The following KCNJ6 variants were observed in gnomAD, a reference collection of about 807,000 sequenced individuals.
The protein encoded by KCNJ6 is potassium inwardly rectifying channel subfamily J member 6.
A neutral mutation model predicts 34.2 loss-of-function variants in KCNJ6; 9 were observed. That is an observed-to-expected ratio of 0.26 (90% CI 0.16 to 0.46). KCNJ6 has a LOEUF of 0.46. KCNJ6 is among the 20% of genes least tolerant of loss of function. The probability of loss-of-function intolerance (pLI) is 1.00; values close to 1 mark genes in which losing one functional copy is unlikely to be tolerated. For missense variants in KCNJ6, 236 were observed against 531.3 expected (o/e 0.44, Z 5.46); for synonymous variants, 196 against 207.1 (o/e 0.95, Z 0.46).
chr21:37,842,438 T>C lies in KCNJ6; in HGVS notation c.-27-1729A>G, dbSNP rs919999794. ...CTCAAACTGGAAGGGTATGCTTTGA[T>C]TGAATGGCAACAAACAACTTCGCAC... On this transcript the variant is annotated intron_variant, in intron 1 of 3. Coordinates refer to ENST00000609713, the MANE Select transcript of KCNJ6 (RefSeq NM_002240.5). 2.0e-5 allele frequency among the ~76,000 whole-genome samples: 3 copies of C among 152,244 alleles called. 1 individual carries two copies. Among genetic ancestry groups the C allele is most frequent in the Middle Eastern group, 6.3e-3 (2 of 316 alleles).
In KCNJ6 at chr21:37,712,748, TTCCTC is replaced by T. The variant is rs1569450260; in HGVS notation, c.946+1458_946+1462del. On this transcript the variant is annotated intron_variant, in intron 3 of 3. Transcript: ENST00000609713. ...CCTTCCTCCCCTTCTCCTCCTCTCC[TTCCTC>T]CCCTTCCTCCTCCCCTGCCTTCCCT... is the stretch of plus-strand genomic sequence containing the variant. Among the ~76,000 whole-genome samples, 16 of 44,526 alleles carry T rather than the reference TTCCTC, an allele frequency of 3.6e-4. 2 individuals carry two copies. The highest frequency in any genetic ancestry group is 1.1e-3 in the African/African-American group (16 of 15,052). The allele number at this position is 44,526 out of a possible 152,430, so 29.2% of individuals were successfully genotyped here. A position where few individuals can be genotyped will look rare whatever the true frequency, so the allele number is the denominator to read the frequency against.
chr21:37,754,906 C>T (rs1201048904), intron 2 of KCNJ6, among the ~76,000 whole-genome samples: 2 of 152,162 alleles, frequency 1.3e-5, no homozygotes, highest in Non-Finnish European at 2.9e-5. Context: ...CAAGGCTAAG[C>T]CGCAGTGCAG....
At chr21:37,732,513 T>C (rs949763497) in intron 2 of KCNJ6, among the ~76,000 whole-genome samples, 1 of 152,158 alleles carries the variant, frequency 6.6e-6, no homozygotes, top group African/African-American at 2.4e-5. Flanking sequence ...AGCTTTAGAG[T>C]GAGGAACGGG....
chr21:37,881,602 A>G (rs1038149574), intron 1 of KCNJ6, among the ~76,000 whole-genome samples: 1 of 152,056 alleles, frequency 6.6e-6, no homozygotes, highest in African/African-American at 2.4e-5. Flanking sequence ...TATAATCTCC[A>G]ACTCCTGGGC....
rs896402988 is a variant in KCNJ6, at chr21:37,648,769, T to C, written c.947-23285A>G. ...AGTCATTTGTCCAATCACATCACAC[T>C]GAACTCATTACTTTGGGTTTTTAAA... On this transcript the variant is annotated intron_variant, in intron 3 of 3. Coordinates refer to ENST00000609713, the MANE Select transcript of KCNJ6 (RefSeq NM_002240.5). 1.5e-3 allele frequency among the ~76,000 whole-genome samples: 226 copies of C among 152,316 alleles called. 1 individual carries two copies. The highest frequency in any genetic ancestry group is 5.3e-3 in the African/African-American group (220 of 41,556).
chr21:37,820,701 T>A (rs2055369417), intron 2 of KCNJ6, among the ~76,000 whole-genome samples: 1 of 152,250 alleles, frequency 6.6e-6, no homozygotes, highest in African/African-American at 2.4e-5. Flanking sequence ...TTCTTACTCC[T>A]CATCACTTTG....
chr21:37,703,963 C>T (rs1026307194), intron 3 of KCNJ6, among the ~76,000 whole-genome samples: 5 of 152,374 alleles, frequency 3.3e-5, no homozygotes, highest in African/African-American at 1.2e-4. Flanking sequence ...TGGAACCCAG[C>T]CCCGCCTTGC....
At chr21:37,900,231 G>C (rs1424485549) in intron 1 of KCNJ6, among the ~76,000 whole-genome samples, 2 of 152,186 alleles carry the variant, frequency 1.3e-5, no homozygotes. Context: ...AAGACACAGT[G>C]TGTGGGAGAT....
Position 37,729,801 on chromosome 21 carries a change from G to A in KCNJ6, c.26-14670C>T, listed in dbSNP as rs117956079. 2.4e-3 allele frequency among the ~76,000 whole-genome samples: 363 copies of A among 152,342 alleles called. 1 individual carries two copies. The East Asian group carries it at 0.037, about 15-fold the overall frequency. ...CAATGCTTCCCCTGCCAAGACACAT[G>A]CCCGTTCATAGGGCTGAGTCCACCC... On this transcript the variant is annotated intron_variant, in intron 2 of 3. Coordinates refer to ENST00000609713, the MANE Select transcript of KCNJ6 (RefSeq NM_002240.5).
At chr21:37,745,324 G>T (rs766050826) in intron 2 of KCNJ6, among the ~76,000 whole-genome samples, 3 of 152,056 alleles carry the variant, frequency 2.0e-5, no homozygotes, top group Non-Finnish European at 4.4e-5. Flanking sequence ...GTATTACTCT[G>T]TTGCCCAGGC....
intron 1 of KCNJ6, among the ~76,000 whole-genome samples, chr21:37,872,071 G>C (rs2055655154): frequency 6.6e-6 from 1 of 152,114 alleles, no homozygotes; most frequent in African/African-American, 2.4e-5. Context: ...ACAAATGTAA[G>C]CACACAAATC....
chr21:37,747,961 G>T (rs532318065), intron 2 of KCNJ6, among the ~76,000 whole-genome samples: 62 of 152,338 alleles, frequency 4.1e-4, no homozygotes, highest in African/African-American at 1.4e-3. Context: ...TGGAGACTGA[G>T]TCACAGGGCT....
chr21:37,867,527 C>A (rs2055629034), intron 1 of KCNJ6, among the ~76,000 whole-genome samples: 1 of 152,184 alleles, frequency 6.6e-6, no homozygotes. Context: ...AGAGTGAAAT[C>A]CATCTCTGCC....
chr21:37,777,357 T>C (rs1419793071), intron 2 of KCNJ6, among the ~76,000 whole-genome samples: 2 of 152,288 alleles, frequency 1.3e-5, no homozygotes, highest in East Asian at 1.9e-4. Context: ...TCTTTCTTTC[T>C]TGTCCTTTCC....
chr21:37,762,806 G>A (rs555937477), intron 2 of KCNJ6, among the ~76,000 whole-genome samples: 2 of 152,284 alleles, frequency 1.3e-5, no homozygotes, highest in South Asian at 4.1e-4. Context: ...TCCAGTGCCT[G>A]AGCCCCACTC....
chr21:37,655,176 C>G (rs1229643194), intron 3 of KCNJ6, among the ~76,000 whole-genome samples: 1 of 105,800 alleles, frequency 9.5e-6, no homozygotes, highest in African/African-American at 4.7e-5. Context: ...ACACTCTAGA[C>G]ATTTGTGTGT....
intron 2 of KCNJ6, among the ~76,000 whole-genome samples, chr21:37,825,059 C>G (rs1208080123): frequency 6.6e-6 from 1 of 152,236 alleles, no homozygotes; most frequent in Non-Finnish European, 1.5e-5. Context: ...TCTCTGCTTC[C>G]CTCTTACAAG....
At position 37,614,668 on chromosome 21, in the gene KCNJ6, CTGTGTA is replaced by C. The variant is rs2054258332; in HGVS notation, c.*10485_*10490del. On this transcript the variant is annotated 3_prime_UTR_variant, in exon 4 of 4. Coordinates refer to ENST00000609713, the MANE Select transcript of KCNJ6 (RefSeq NM_002240.5). The stretch of plus-strand genomic sequence containing the variant: ...TGCACGTGTGTGTATGCATGTGTCT[CTGTGTA>C]TGCGTGTGTGTATGCATGTCTTGGT... The C allele has an allele frequency of 7.3e-6, 1 of 137,616 alleles. No individual in the cohort carries two copies. 8.5% of individuals were successfully genotyped at this position (137,616 alleles called of 1,614,324 possible). A position where few individuals can be genotyped will look rare whatever the true frequency, so the allele number is the denominator to read the frequency against.
At chr21:37,902,511 C>T (rs889919131) in intron 1 of KCNJ6, among the ~76,000 whole-genome samples, 4 of 152,282 alleles carry the variant, frequency 2.6e-5, no homozygotes, top group African/African-American at 9.6e-5. Flanking sequence ...CCAAAGATAA[C>T]TATTTTCAAT....
Sources: allele counts gnomAD v4.1 joint callset (sites outside exome capture counted in the v4.1 genomes callset), GRCh38; gene constraint gnomAD v4.1.1; transcripts MANE v1.5; gene names NCBI Gene and HGNC (gene_info 2026-07-23, HGNC 2026-07-21).